TTLL6: variants seen among roughly 807,000 people sequenced by gnomAD.
The protein encoded by TTLL6 is tubulin polyglutamylase TTLL6.
Under a neutral mutation model 96.4 loss-of-function variants are expected in TTLL6, and 75 were observed. That is an observed-to-expected ratio of 0.78 (90% confidence interval 0.65 to 0.94). TTLL6 has a LOEUF of 0.94. Among genes scored for constraint, TTLL6 ranks in the 40% least tolerant of loss-of-function variants. The pLI is 0.00. For synonymous variants in TTLL6, 411 were observed against 419.4 expected, an observed-to-expected ratio of 0.98 and a Z score of 0.24; for missense variants, 1,030 against 1,093.0, an observed-to-expected ratio of 0.94 and a Z score of 0.81.
At chr17:48,781,880 T>C (rs767522606) in intron 13 of TTLL6, among the ~76,000 whole-genome samples, 8 of 152,182 alleles carry the variant, frequency 5.3e-5, no homozygotes, top group Non-Finnish European at 8.8e-5. Flanking sequence ...TTCCACTGTG[T>C]GAGGACACAG....
At chr17:48,794,225 C>T (rs2143395105) in intron 8 of TTLL6, 2 of 1,614,138 alleles carry the variant, frequency 1.2e-6, no homozygotes, top group Admixed American at 3.3e-5. Flanking sequence ...TACCCCGAGA[C>T]ACCCCTCCAT....
At chr17:48,813,133 C>T (rs536931248) in intron 1 of TTLL6, among the ~76,000 whole-genome samples, 5 of 152,310 alleles carry the variant, frequency 3.3e-5, no homozygotes, top group African/African-American at 2.4e-5. Flanking sequence ...TCTGACCCCA[C>T]AGCCTGTCTC....
chr17:48,790,049 C>T lies in TTLL6; in HGVS notation c.1282G>A (p.Gly428Ser), dbSNP rs535803884. ...AGGACTAAGGTGTCATACAGCAGAC[C>T]ATCTTTCACCTCTTTATCCAACCGA... is the stretch of plus-strand genomic sequence containing the variant. ...DSRLDKEVKD[G>S]LLYDTLVLIN... is the part of the protein sequence containing the mutation. Residue 428 changes from glycine (G) to serine (S), a missense_variant, in exon 10 of 16, where the codon GGT (glycine) becomes AGT (serine). Transcript: ENST00000393382. 8 of 1,614,152 alleles carry T rather than the reference C, an allele frequency of 5.0e-6. No homozygotes were observed. In the East Asian group the frequency reaches 1.8e-4, roughly 36 times the overall value.
chr17:48,802,601 C>A (rs1292059945), intron 3 of TTLL6, among the ~76,000 whole-genome samples: 3 of 152,188 alleles, frequency 2.0e-5, no homozygotes, highest in Non-Finnish European at 2.9e-5. Flanking sequence ...CTGGGCACAG[C>A]GGCTCACGCC....
At chr17:48,769,625 T>C in intron 14 of TTLL6, 103 bp downstream of exon 14, 1 of 1,394,222 alleles carries the variant, frequency 7.2e-7, no homozygotes, top group Non-Finnish European at 9.8e-7. Flanking sequence ...ACAGGGGCTG[T>C]CCCCCCTCCA....
At chr17:48,791,325 G>A in intron 9 of TTLL6, 53 bp downstream of exon 9, 5 of 1,507,248 alleles carry the variant, frequency 3.3e-6, no homozygotes, top group Non-Finnish European at 4.6e-6. Context: ...CCTTGAAGCG[G>A]GCTGGCCCCA....
At chr17:48,764,502 G>A (rs1372844098) in intron 15 of TTLL6, among the ~76,000 whole-genome samples, 1 of 152,162 alleles carries the variant, frequency 6.6e-6, no homozygotes, top group Non-Finnish European at 1.5e-5. Flanking sequence ...TTGTCAATGT[G>A]AGGATTCTAT....
intron 1 of TTLL6, 107 bp from the exon 2 acceptor site, chr17:48,805,098 G>C (rs1157300110): frequency 3.3e-6 from 3 of 907,978 alleles, no homozygotes; most frequent in Non-Finnish European, 3.3e-6. Flanking sequence ...AACGCAACAG[G>C]TTGCAGTTTA....
rs550564690 is a variant in TTLL6, at chr17:48,790,671, C to T, written c.1225-565G>A. On this transcript the variant is annotated intron_variant, in intron 9 of 15. Transcript: ENST00000393382. ...GTAAGGGCTGCAAACAGGCACATCCCTCTTCCCACCACACCTACAAGGGCT... is the reference window on the plus strand; with the variant it reads ...GTAAGGGCTGCAAACAGGCACATCCTTCTTCCCACCACACCTACAAGGGCT... Among the ~76,000 whole-genome samples the T allele has an allele frequency of 1.3e-3, 194 of 152,334 alleles. 2 individuals carry two copies. Among genetic ancestry groups the T allele is most frequent in the African/African-American group, 4.3e-3 (177 of 41,578 alleles).
intron 13 of TTLL6, among the ~76,000 whole-genome samples, chr17:48,781,287 T>A (rs1177167067): frequency 1.3e-5 from 2 of 152,112 alleles, no homozygotes; most frequent in Non-Finnish European, 2.9e-5. Flanking sequence ...CCTTAAGTGA[T>A]CTGTCTGCCT....
chr17:48,766,933 T>G (rs763983073), intron 15 of TTLL6, among the ~76,000 whole-genome samples: 1 of 2,608 alleles, frequency 3.8e-4, no homozygotes, highest in Non-Finnish European at 2.6e-3. Flanking sequence ...TTGTTGTTGT[T>G]GTTTTGTTTT....
chr17:48,796,076 T>G lies in TTLL6; in HGVS notation c.983A>C (p.His328Pro). 2 of 1,551,150 alleles carry G rather than the reference T, an allele frequency of 1.3e-6. No individual in the cohort carries two copies. Among genetic ancestry groups the G allele is most frequent in the Non-Finnish European group, 1.7e-6 (2 of 1,146,700 alleles). Residue 328 changes from histidine (H) to proline (P), a missense_variant, in exon 8 of 16, where the codon CAC (histidine) becomes CCC (proline). Physicochemically the swap from His to Pro is moderately conservative, Grantham distance 77 (BLOSUM62 -2). Transcript: ENST00000393382. ...KHSSNFSRDA[H>P]SGSKRKLSTF... ...TCTTCCTTACCTCTTACTGCCAGAG[T>G]GTGCATCTCGACTGAAATTTGAACT...
At chr17:48,764,235 A>G (rs1325851316) in intron 15 of TTLL6, among the ~76,000 whole-genome samples, 1 of 152,216 alleles carries the variant, frequency 6.6e-6, no homozygotes, top group Non-Finnish European at 1.5e-5. Context: ...CCCACTGTGA[A>G]AGTGGGTCCA....
At chr17:48,810,583 C>T (rs1319670379) in intron 1 of TTLL6, among the ~76,000 whole-genome samples, 3 of 151,994 alleles carry the variant, frequency 2.0e-5, no homozygotes, top group Non-Finnish European at 4.4e-5. Flanking sequence ...ATAATCCTAA[C>T]ACTTCGGGAG....
At position 48,801,680 on chromosome 17, in the gene TTLL6, G is replaced by C. The variant is rs538711704; in HGVS notation, c.362-37C>G. 2.1e-5 allele frequency: 31 copies of C among 1,511,366 alleles called. No homozygotes were observed. The East Asian group carries it at 6.1e-4, about 30-fold the overall frequency. The allele number at this position is 1,511,366 out of a possible 1,614,324, so 93.6% of individuals were successfully genotyped here. A position where few individuals can be genotyped will look rare whatever the true frequency, so the allele number is the denominator to read the frequency against. ...AGAAAGGCCTATTAGCCCAGGAAGT[G>C]GGGGAGGAGTATGGGGTGGGGAGAT... On this transcript the variant is annotated intron_variant, in intron 3 of 15. Coordinates refer to ENST00000393382, the MANE Select transcript of TTLL6 (RefSeq NM_001130918.3).
intron 13 of TTLL6, among the ~76,000 whole-genome samples, chr17:48,780,314 G>A (rs529162059): frequency 1.3e-5 from 2 of 151,962 alleles, no homozygotes; most frequent in South Asian, 4.2e-4. Flanking sequence ...CCAAAATGCT[G>A]GCATTACAGA....
chr17:48,803,608 C>A (rs575766618), intron 3 of TTLL6, among the ~76,000 whole-genome samples: 24 of 152,250 alleles, frequency 1.6e-4, no homozygotes, highest in African/African-American at 5.8e-4. Flanking sequence ...AACAGAGCCA[C>A]TGGCTGCAGC....
chr17:48,791,853 G>A (rs574091052), intron 8 of TTLL6, among the ~76,000 whole-genome samples: 1 of 152,318 alleles, frequency 6.6e-6, no homozygotes, highest in East Asian at 1.9e-4. Flanking sequence ...ACATGGTCAG[G>A]ACACTTTCAC....
intron 8 of TTLL6, among the ~76,000 whole-genome samples, chr17:48,795,339 A>AAAAAG (rs1052236552): frequency 1.3e-5 from 2 of 151,908 alleles, no homozygotes; most frequent in South Asian, 2.1e-4. Context: ...GAAAAAAAAA[A>AAAAAG]AAAAGAAAAG....
Sources: allele counts gnomAD v4.1 joint callset (sites outside exome capture counted in the v4.1 genomes callset), GRCh38; gene constraint gnomAD v4.1.1; transcripts MANE v1.5; gene names NCBI Gene and HGNC (gene_info 2026-07-23, HGNC 2026-07-21).